Variants in ABCC11 observed in about 807,000 individuals in gnomAD.
The protein encoded by ABCC11 is ATP binding cassette subfamily C member 11.
Under a neutral mutation model 149.3 loss-of-function variants are expected in ABCC11, and 135 were observed. The ratio of observed to expected loss-of-function variants is 0.90; its 90% CI spans 0.79 to 1.04. The LOEUF is 1.04. ABCC11 is among the 50% of genes least tolerant of loss of function. The pLI is 0.00. For synonymous variants in ABCC11, 665 were observed against 671.4 expected (o/e 0.99, Z 0.15); for missense variants, 1,680 against 1,722.1 (o/e 0.98, Z 0.43).
At chr16:48,233,003 C>A (rs1970505392) in intron 1 of ABCC11, among the ~76,000 whole-genome samples, 1 of 152,070 alleles carries the variant, frequency 6.6e-6, no homozygotes, top group Admixed American at 6.5e-5. Context: ...AGTTTGAGAC[C>A]AGCCTGGGCA....
At chr16:48,237,635 G>T (rs558187761) in intron 1 of ABCC11, among the ~76,000 whole-genome samples, 2 of 152,098 alleles carry the variant, frequency 1.3e-5, no homozygotes, top group African/African-American at 4.8e-5. Context: ...CTCTCCCATG[G>T]CTTCCGTCAG....
intron 20 of ABCC11, among the ~76,000 whole-genome samples, chr16:48,192,140 G>T (rs1374758014): frequency 6.6e-6 from 1 of 151,500 alleles, no homozygotes; most frequent in Non-Finnish European, 1.5e-5. Flanking sequence ...AATAATTAAG[G>T]TCTACTAATA....
chr16:48,193,920 T>G lies in ABCC11; in HGVS notation c.2467A>C (p.Ser823Arg). The change falls in exon 19 of 30, where the codon AGC becomes CGC. Residue 823 changes from serine to arginine, a missense_variant. Transcript: ENST00000356608. The part of the protein sequence containing the change: ...VVLIVFLTIF[S>R]FWWLSYWLEQ... ...AACCAGTAGCTCAGCCACCAGAAGC[T>G]GAAGATCGTTAAGAAGACGATCAGC... 6.2e-7 allele frequency: 1 copy of G among 1,613,980 alleles called. No homozygotes were observed. Among genetic ancestry groups the G allele is most frequent in the Non-Finnish European group, 8.5e-7 (1 of 1,179,920 alleles).
intron 12 of ABCC11, 63 bp downstream of exon 12, chr16:48,208,362 C>T: frequency 6.2e-7 from 1 of 1,602,928 alleles, no homozygotes; most frequent in Non-Finnish European, 8.5e-7. Context: ...GCCTGGGGCA[C>T]TGGAGCTTGG....
At position 48,167,207 on chromosome 16, in the gene ABCC11, C is replaced by T. The variant is rs887942284; in HGVS notation, c.*67G>A. ...AAACAAGAAGGTCGCAGACTGTGGG[C>T]CTCGAAGCTGCACCTGTGTGAACCT... On this transcript the variant is annotated 3_prime_UTR_variant, in exon 30 of 30. Transcript: ENST00000356608. 48 of 709,636 alleles carry T rather than the reference C, an allele frequency of 6.8e-5. No individual in the cohort carries two copies. The highest frequency in any genetic ancestry group is 7.9e-4 in the Middle Eastern group (2 of 2,542). The allele number at this position is 709,636 out of a possible 1,614,324, so 44.0% of individuals were successfully genotyped here. A position where few individuals can be genotyped will look rare whatever the true frequency, so the allele number is the denominator to read the frequency against.
intron 15 of ABCC11, among the ~76,000 whole-genome samples, chr16:48,199,856 T>C (rs2150816499): frequency 6.6e-6 from 1 of 151,874 alleles, no homozygotes; most frequent in East Asian, 1.9e-4. Context: ...TAAATTTTTG[T>C]AGAGATGGGA....
rs755688330 is a variant in ABCC11, at chr16:48,224,422, G to A, written c.403C>T (p.Arg135Cys). ...ASDKNVQRLHRLWEEEVSRRG... is the reference protein window; with the variant it reads ...ASDKNVQRLHCLWEEEVSRRG... ...CTTGAGACTTCTTCTTCCCAAAGGC[G>A]GTGAAGCCTTGAAAAGAGGATAATG... The change falls in exon 5 of 30, where the codon CGC becomes TGC. Residue 135 changes from arginine (R) to cysteine (C), a missense_variant. By Grantham distance (180) the Arg-to-Cys change is radical. Transcript: ENST00000356608. The A allele has an allele frequency of 9.3e-6, 15 of 1,613,898 alleles. No homozygotes were observed. The highest frequency in any genetic ancestry group is 5.5e-5 in the South Asian group (5 of 91,060).
In ABCC11 at chr16:48,224,184, A is replaced by C. The variant is rs1003126444; in HGVS notation, c.543+98T>G. The C allele has an allele frequency of 2.8e-6, 4 of 1,426,460 alleles. No homozygotes were observed. The African/African-American group carries it at 4.3e-5, about 15-fold the overall frequency. The allele number at this position is 1,426,460 out of a possible 1,614,324, so 88.4% of individuals were successfully genotyped here. ...TAGACAGCAACTGAAAGACAAATGCATCTCTAACTCCTGGCATGGACTTGA... is the reference window on the plus strand; with the variant it reads ...TAGACAGCAACTGAAAGACAAATGCCTCTCTAACTCCTGGCATGGACTTGA... On this transcript the variant is annotated intron_variant, in intron 5 of 29. Transcript: ENST00000356608.
At chr16:48,196,370 G>T in intron 17 of ABCC11, 49 bp from the exon 18 acceptor site, 2 of 1,556,208 alleles carry the variant, frequency 1.3e-6, no homozygotes, top group South Asian at 2.3e-5. Flanking sequence ...CCAATCACAT[G>T]ATCTGCTTCC....
chr16:48,239,561 C>CAAA (rs756121627), intron 1 of ABCC11, among the ~76,000 whole-genome samples: 126 of 46,840 alleles, frequency 2.7e-3, no homozygotes, highest in East Asian at 6.7e-3. Context: ...GACTGTGTCA[C>CAAA]AAAAAAAAAA....
Position 48,219,150 on chromosome 16 carries a change from T to C in ABCC11, c.778-2863A>G, listed in dbSNP as rs1209409384. Among the ~76,000 whole-genome samples, 10 of 150,140 alleles carry C rather than the reference T, an allele frequency of 6.7e-5. No homozygotes were observed. The Admixed American group carries it at 6.7e-4, about 10-fold the overall frequency. On this transcript the variant is annotated intron_variant, in intron 6 of 29. Coordinates refer to ENST00000356608, the MANE Select transcript of ABCC11 (RefSeq NM_001370497.1). ...TGGGTACCTTGCATGTGTACCTAAA[T>C]GGACTGTTTTGGTTTTGGGTTTTTT...
rs368875106 is a variant in ABCC11, at chr16:48,187,365, G to A, written c.2769C>T (p.Phe923=). The change falls in exon 21 of 30, where the codon TTC becomes TTT. Residue 923 remains phenylalanine (F), a synonymous_variant. Transcript: ENST00000356608. ...GGTCCAGCTGTTCCAAGTCCCCTGCGAAGCAGTTCAAAAGCCGGCCTATTG... is the reference window on the plus strand; with the variant it reads ...GGTCCAGCTGTTCCAAGTCCCCTGCAAAGCAGTTCAAAAGCCGGCCTATTG... ...TIPIGRLLNC[F]AGDLEQLDQL... 47 of 1,614,046 alleles carry A rather than the reference G, an allele frequency of 2.9e-5. No homozygotes were observed. The highest frequency in any genetic ancestry group is 8.8e-5 in the South Asian group (8 of 91,074).
Position 48,213,492 on chromosome 16 carries a change from A to G in ABCC11, c.1307T>C (p.Ile436Thr), listed in dbSNP as rs757527308. 1.3e-5 allele frequency: 21 copies of G among 1,612,240 alleles called. No individual in the cohort carries two copies. In the South Asian group the frequency reaches 1.7e-4, roughly 13 times the overall value. The change falls in exon 10 of 30, where the codon ATT (isoleucine) becomes ACT (threonine). Residue 436 changes from isoleucine to threonine, a missense_variant. By Grantham distance (89) the Ile-to-Thr change is moderately conservative. Coordinates refer to ENST00000356608, the MANE Select transcript of ABCC11 (RefSeq NM_001370497.1). Reference protein sequence around the residue: ...LLRLSVFFVPIAVKGLTNSKS... With the variant: ...LLRLSVFFVPTAVKGLTNSKS... ...GGAATTCGTGAGACCTTTGACTGCAATAGGCACAAAGAACACTGACAGCCG... is the reference window on the plus strand; with the variant it reads ...GGAATTCGTGAGACCTTTGACTGCAGTAGGCACAAAGAACACTGACAGCCG...
At position 48,167,496 on chromosome 16, in the gene ABCC11, C is replaced by A. The variant is rs776396273; in HGVS notation, c.4056G>T (p.Lys1352Asn). Residue 1352 changes from lysine (K) to asparagine (N), a missense_variant and splice_region_variant, in exon 29 of 30, where the codon AAG becomes AAT. By Grantham distance (94) the Lys-to-Asn change is moderately conservative (BLOSUM62 0). Coordinates refer to ENST00000356608, the MANE Select transcript of ABCC11 (RefSeq NM_001370497.1). ...ACCAGCCCAAGGACGCAGCCTTCAC[C>A]TTCCCATTGCCCATAACCAGGATGT... is the stretch of plus-strand genomic sequence containing the variant. ...CDHILVMGNG[K>N]VVEFDRPEVL... 11 of 1,613,938 alleles carry A rather than the reference C, an allele frequency of 6.8e-6. No individual in the cohort carries two copies. The East Asian group carries it at 2.5e-4, about 36-fold the overall frequency.
At chr16:48,213,581 T>C in intron 9 of ABCC11, 31 bp from the exon 10 acceptor site, 1 of 1,555,428 alleles carries the variant, frequency 6.4e-7, no homozygotes, top group Admixed American at 1.9e-5. Flanking sequence ...GTGGTGAGGG[T>C]CGTGGCCCTT....
At chr16:48,168,563 C>T (rs1216037973) in intron 28 of ABCC11, among the ~76,000 whole-genome samples, 1 of 152,180 alleles carries the variant, frequency 6.6e-6, no homozygotes. Flanking sequence ...TATGTGTGTA[C>T]ATGTGTGTCT....
At chr16:48,205,617 G>A in intron 12 of ABCC11, 80 bp from the exon 13 acceptor site, 1 of 1,550,404 alleles carries the variant, frequency 6.4e-7, no homozygotes, top group Non-Finnish European at 8.7e-7. Context: ...ACAGTGCCCA[G>A]GGCCCCACTG....
Position 48,180,978 on chromosome 16 carries a change from G to C in ABCC11, c.3259-2292C>G, listed in dbSNP as rs72802153. 7.7e-3 allele frequency among the ~76,000 whole-genome samples: 1,178 copies of C among 152,342 alleles called. 10 individuals carry two copies. Among genetic ancestry groups the C allele is most frequent in the Middle Eastern group, 0.031 (9 of 294 alleles). On this transcript the variant is annotated intron_variant, in intron 23 of 29. Coordinates refer to ENST00000356608, the MANE Select transcript of ABCC11 (RefSeq NM_001370497.1). Reference sequence around the variant, plus strand: ...GTCCCCCAGGCAGGGTTTCCCATTAGAGTCTCCTGTGGTGCAACAACCTTT... The same window carrying C: ...GTCCCCCAGGCAGGGTTTCCCATTACAGTCTCCTGTGGTGCAACAACCTTT...
intron 1 of ABCC11, among the ~76,000 whole-genome samples, chr16:48,243,282 TC>T (rs1158627259): frequency 1.6e-4 from 24 of 150,608 alleles, no homozygotes; most frequent in Non-Finnish European, 3.0e-4. Context: ...GTGCCTGTAG[TC>T]CCCAGCTACT....
Sources: allele counts gnomAD v4.1 joint callset (sites outside exome capture counted in the v4.1 genomes callset), GRCh38; gene constraint gnomAD v4.1.1; transcripts MANE v1.5; gene names NCBI Gene and HGNC (gene_info 2026-07-23, HGNC 2026-07-21).